The following FOXN4 variants were observed in gnomAD, a reference collection of about 807,000 sequenced individuals.
FOXN4 encodes the protein forkhead box protein N4.
FOXN4 carries 12 observed loss-of-function variants against 45.0 expected under a neutral mutation model. The ratio of observed to expected loss-of-function variants is 0.27; its 90% confidence interval spans 0.17 to 0.43. FOXN4 has a LOEUF of 0.43. Among genes scored for constraint, FOXN4 ranks in the 20% least tolerant of loss-of-function variants. FOXN4 has a pLI of 1.00. For missense variants in FOXN4, 560 were observed against 694.9 expected, an observed-to-expected ratio of 0.81 and a Z score of 2.18; for synonymous variants, 297 against 295.0, an observed-to-expected ratio of 1.01 and a Z score of -0.07.
At chr12:109,284,285 T>C (rs2047680343) in intron 8 of FOXN4, among the ~76,000 whole-genome samples, 1 of 152,128 alleles carries the variant, frequency 6.6e-6, no homozygotes, top group African/African-American at 2.4e-5. Flanking sequence ...TGCCACTGGA[T>C]AGGGTTGGGG....
chr12:109,308,109 G>T, intron 2 of FOXN4, 127 bp downstream of exon 2: 1 of 797,976 alleles, frequency 1.3e-6, no homozygotes, highest in Non-Finnish European at 1.9e-6. Flanking sequence ...AGACTTTCCA[G>T]CTCTCCCGCA....
chr12:109,295,320 C>T (rs2047806978), intron 2 of FOXN4, among the ~76,000 whole-genome samples: 1 of 152,224 alleles, frequency 6.6e-6, no homozygotes, highest in Non-Finnish European at 1.5e-5. Flanking sequence ...ATTCTAGCCC[C>T]ACTGCCCTGG....
chr12:109,298,356 T>G (rs1398667691), intron 2 of FOXN4, among the ~76,000 whole-genome samples: 7 of 142,032 alleles, frequency 4.9e-5, no homozygotes, highest in Non-Finnish European at 1.1e-4. Context: ...TTTTTTTTTT[T>G]GCTTTGTTTT....
Position 109,287,192 on chromosome 12 carries a change from C to T in FOXN4, c.596+205G>A, listed in dbSNP as rs529124334. On this transcript the variant is annotated intron_variant, in intron 6 of 9. Coordinates refer to ENST00000299162, the MANE Select transcript of FOXN4 (RefSeq NM_213596.3). This position sits in a 1 kb window ranked among gnomAD's most constrained non-coding sequence, Gnocchi z 4.1. The stretch of plus-strand genomic sequence containing the variant: ...ATGAAGTGAACTGTGGCACTGGACT[C>T]AGGTCTGCAGTGGGCTCTTGACCTG... Among the ~76,000 whole-genome samples, 2 of 152,354 alleles carry T rather than the reference C, an allele frequency of 1.3e-5. No individual in the cohort carries two copies. Among genetic ancestry groups the T allele is most frequent in the Middle Eastern group, 3.4e-3 (1 of 294 alleles).
In FOXN4 at chr12:109,308,117, G is replaced by A. The variant is rs189149583; in HGVS notation, c.86+119C>T. ...GAAATCAAGACTTTCCAGCTCTCCC[G>A]CAAAAATCACAGAATTGAACATAAC... On this transcript the variant is annotated intron_variant, in intron 2 of 9. Coordinates refer to ENST00000299162, the MANE Select transcript of FOXN4 (RefSeq NM_213596.3). 73 of 853,220 alleles carry A rather than the reference G, an allele frequency of 8.6e-5. No homozygotes were observed. The Admixed American group carries it at 1.0e-3, about 12-fold the overall frequency. 52.9% of individuals were successfully genotyped at this position (853,220 alleles called of 1,614,324 possible). A position where few individuals can be genotyped will look rare whatever the true frequency, so the allele number is the denominator to read the frequency against.
intron 8 of FOXN4, among the ~76,000 whole-genome samples, chr12:109,282,670 G>C (rs2047664157): frequency 3.3e-5 from 5 of 152,192 alleles, no homozygotes; most frequent in Admixed American, 2.6e-4. Flanking sequence ...ACATTAAGAA[G>C]TGTTGCTGTG....
chr12:109,304,255 GAAAGAAAGAAAGAA>G (rs1310882188), intron 2 of FOXN4, among the ~76,000 whole-genome samples: 1 of 90,342 alleles, frequency 1.1e-5, no homozygotes, highest in Non-Finnish European at 2.2e-5. Flanking sequence ...AAGAAAGAAA[GAAAGAAAGAAAGAA>G]AGAAAGAAAG....
chr12:109,279,656 G>T lies in FOXN4; in HGVS notation c.*15C>A. The T allele has an allele frequency of 6.4e-7, 1 of 1,567,674 alleles. No homozygotes were observed. The highest frequency in any genetic ancestry group is 8.6e-7 in the Non-Finnish European group (1 of 1,156,226). On this transcript the variant is annotated 3_prime_UTR_variant, in exon 10 of 10. Coordinates refer to ENST00000299162, the MANE Select transcript of FOXN4 (RefSeq NM_213596.3). The stretch of plus-strand genomic sequence containing the variant: ...AGCCGGGTGCCGGGGTTCCAGGGCA[G>T]GTGAGGCTGACAGCTCAAAGCAGGG...
Position 109,299,752 on chromosome 12 carries a change from ACT to A in FOXN4, c.86+8482_86+8483del, listed in dbSNP as rs922191604. 1.0e-3 allele frequency among the ~76,000 whole-genome samples: 156 copies of A among 151,958 alleles called. 3 individuals are homozygous for A. Among genetic ancestry groups the A allele is most frequent in the African/African-American group, 5.1e-4 (21 of 41,432 alleles). On this transcript the variant is annotated intron_variant, in intron 2 of 9. Transcript: ENST00000299162. ...CTGGGAACATCAGTGTCAGAATAAC[ACT>A]CTATCATTGGTGTAATCCATTTCCC...
chr12:109,281,089 G>C (rs575215682), intron 9 of FOXN4, among the ~76,000 whole-genome samples: 7 of 152,250 alleles, frequency 4.6e-5, no homozygotes, highest in Middle Eastern at 3.4e-3. Context: ...GCTTTGGCCC[G>C]GTATACAGCA....
chr12:109,294,890 T>C (rs920220), intron 2 of FOXN4, among the ~76,000 whole-genome samples: 93,760 of 151,904 alleles, frequency 0.62, 30,181 homozygotes, highest in African/African-American at 0.79. Flanking sequence ...TCATTAAAGG[T>C]GTCCCCATGT....
At position 109,279,124 on chromosome 12, in the gene FOXN4, T is replaced by C. The variant is rs1314978336; in HGVS notation, c.*547A>G. On this transcript the variant is annotated 3_prime_UTR_variant, in exon 10 of 10. Coordinates refer to ENST00000299162, the MANE Select transcript of FOXN4 (RefSeq NM_213596.3). ...ACCTGGACCGGCTCCCATTTCAGAG[T>C]TCAGCTTGTCCTGTCCAAGAGAGAG... 2 of 157,104 alleles carry C rather than the reference T, an allele frequency of 1.3e-5. No homozygotes were observed. Among genetic ancestry groups the C allele is most frequent in the African/African-American group, 4.8e-5 (2 of 41,474 alleles). The allele number at this position is 157,104 out of a possible 1,614,324, so 9.7% of individuals were successfully genotyped here.
At position 109,286,609 on chromosome 12, in the gene FOXN4, A is replaced by G. The variant is rs747323341; in HGVS notation, c.693+39T>C. 6 of 1,571,766 alleles carry G rather than the reference A, an allele frequency of 3.8e-6. No homozygotes were observed. The South Asian group carries it at 7.0e-5, about 18-fold the overall frequency. Reference sequence around the variant, plus strand: ...ATTCTGGCAGCACCAGGAAGAGACCAGGGCAGCTCCAGCACCCCTACCCTA... The same window carrying G: ...ATTCTGGCAGCACCAGGAAGAGACCGGGGCAGCTCCAGCACCCCTACCCTA... On this transcript the variant is annotated intron_variant, in intron 7 of 9. Transcript: ENST00000299162.
rs748071549 is a variant in FOXN4, at chr12:109,281,740, C to T, written c.961G>A (p.Gly321Arg). 3 of 1,606,400 alleles carry T rather than the reference C, an allele frequency of 1.9e-6. No individual in the cohort carries two copies. Among genetic ancestry groups the T allele is most frequent in the Non-Finnish European group, 2.5e-6 (3 of 1,176,538 alleles). Residue 321 changes from glycine to arginine, a missense_variant, in exon 9 of 10, where the codon GGG (glycine) becomes AGG (arginine). Around this residue, in one of 5 missense-constraint regions of FOXN4, gnomAD observed 315 missense variants for 350.5 expected, o/e 0.90. Coordinates refer to ENST00000299162, the MANE Select transcript of FOXN4 (RefSeq NM_213596.3). ...PESCRRPGKP[G>R]EPEAPVLTHA... Reference sequence around the variant, plus strand: ...GTCAGCACGGGGGCCTCTGGTTCCCCCGGTTTGCCGGGGCGCCGGCAGCTT... The same window carrying T: ...GTCAGCACGGGGGCCTCTGGTTCCCTCGGTTTGCCGGGGCGCCGGCAGCTT...
intron 9 of FOXN4, 35 bp from the exon 10 acceptor site, chr12:109,279,965 T>C (rs1462612015): frequency 6.2e-7 from 1 of 1,609,780 alleles, no homozygotes; most frequent in Non-Finnish European, 8.5e-7. Context: ...TGAGCTGGCT[T>C]CCCATCAAAT....
rs111389988 is a variant in FOXN4, at chr12:109,302,233, C to T, written c.86+6003G>A. On this transcript the variant is annotated intron_variant, in intron 2 of 9. Coordinates refer to ENST00000299162, the MANE Select transcript of FOXN4 (RefSeq NM_213596.3). ...CCCCCCAATGTGAACTGGACCCCCA[C>T]GGCCACTGTCCCGTGATTGTTGCCA... is the stretch of plus-strand genomic sequence containing the variant. 2.9e-3 allele frequency among the ~76,000 whole-genome samples: 449 copies of T among 152,340 alleles called. 2 individuals carry two copies. The highest frequency in any genetic ancestry group is 0.01 in the African/African-American group (436 of 41,566).
chr12:109,282,550 TCA>T (rs1039981791), intron 8 of FOXN4, among the ~76,000 whole-genome samples: 147 of 152,160 alleles, frequency 9.7e-4, no homozygotes, highest in African/African-American at 3.0e-3. Flanking sequence ...CACTTAAATC[TCA>T]TAACAGCCCT....
In FOXN4 at chr12:109,291,344, C is replaced by CCCTGT. The variant is rs2047766347; in HGVS notation, c.87-1059_87-1058insACAGG. Among the ~76,000 whole-genome samples, 3 of 152,078 alleles carry CCCTGT rather than the reference C, an allele frequency of 2.0e-5. No homozygotes were observed. Among genetic ancestry groups the CCCTGT allele is most frequent in the Admixed American group, 6.6e-5 (1 of 15,262 alleles). On this transcript the variant is annotated intron_variant, in intron 2 of 9. Transcript: ENST00000299162. This position sits in a 1 kb window ranked among gnomAD's most constrained non-coding sequence, Gnocchi z 6.6. ...CCCAGGAGCACACGCCCGACTCCAC[C>CCCTGT]ACATCTGCCACCCCTGTAGCCAGGG...
Position 109,290,647 on chromosome 12 carries a change from A to G in FOXN4, c.87-361T>C, listed in dbSNP as rs2047758884. Among the ~76,000 whole-genome samples, 1 of 152,108 alleles carries G rather than the reference A, an allele frequency of 6.6e-6. No homozygotes were observed. The highest frequency in any genetic ancestry group is 2.4e-5 in the African/African-American group (1 of 41,400). Reference sequence around the variant, plus strand: ...AGGTGTTATTATTCCTATTTTACAGATGGGGAAACCGAGGCACAGTTGGAG... The same window carrying G: ...AGGTGTTATTATTCCTATTTTACAGGTGGGGAAACCGAGGCACAGTTGGAG... On this transcript the variant is annotated intron_variant, in intron 2 of 9. Transcript: ENST00000299162. This position sits in a 1 kb window ranked among gnomAD's most constrained non-coding sequence, Gnocchi z 5.1.
Sources: allele counts gnomAD v4.1 joint callset (sites outside exome capture counted in the v4.1 genomes callset), GRCh38; gene constraint gnomAD v4.1.1; regional missense constraint gnomAD v4.1.1; non-coding constraint Gnocchi (gnomAD v3.1); transcripts MANE v1.5; gene names NCBI Gene and HGNC (gene_info 2026-07-23, HGNC 2026-07-21).